The following KMT2A variants were observed in gnomAD, a reference collection of about 807,000 sequenced individuals.
KMT2A encodes histone-lysine N-methyltransferase 2A.
Under a neutral mutation model 345.3 loss-of-function variants are expected in KMT2A, and 16 were observed. The ratio of observed to expected loss-of-function variants is 0.05; its 90% CI spans 0.03 to 0.07. The LOEUF (loss-of-function observed/expected upper bound fraction) is 0.07. Among genes scored for constraint, KMT2A ranks in the 10% least tolerant of loss-of-function variants. The probability of loss-of-function intolerance (pLI) is 1.00; values close to 1 mark genes in which losing one functional copy is unlikely to be tolerated. For missense variants in KMT2A, 3,272 were observed against 4,841.6 expected, an observed-to-expected ratio of 0.68 and a Z score of 9.62; for synonymous variants, 1,599 against 1,778.6, an observed-to-expected ratio of 0.90 and a Z score of 2.54.
chr11:118,498,214 C>A lies in KMT2A; in HGVS notation c.5802+141C>A. ...CCAACAAGTATTGATATACATAATT[C>A]AACAGATAAAATGATAAATTTTATC... is the stretch of plus-strand genomic sequence containing the variant. On this transcript the variant is annotated intron_variant, in intron 21 of 35. Transcript: ENST00000534358. The surrounding 1 kb of genome is among the most constrained non-coding windows in gnomAD (Gnocchi z 4.4). The A allele has an allele frequency of 8.6e-7, 1 of 1,158,442 alleles. No individual in the cohort carries two copies. The highest frequency in any genetic ancestry group is 1.2e-6 in the Non-Finnish European group (1 of 810,456). The allele number at this position is 1,158,442 out of a possible 1,614,324, so 71.8% of individuals were successfully genotyped here.
chr11:118,460,880 A>C (rs1555032464), intron 1 of KMT2A, among the ~76,000 whole-genome samples: 1 of 152,210 alleles, frequency 6.6e-6, no homozygotes, highest in African/African-American at 2.4e-5. Flanking sequence ...GGAAGGCTGA[A>C]ATTGCACACT....
Position 118,485,368 on chromosome 11 carries a change from G to GA in KMT2A, c.4332+402dup, listed in dbSNP as rs561284345. Among the ~76,000 whole-genome samples, 141 of 150,086 alleles carry GA rather than the reference G, an allele frequency of 9.4e-4. 1 individual carries two copies. Among genetic ancestry groups the GA allele is most frequent in the African/African-American group, 3.3e-3 (134 of 40,978 alleles). ...TAATAAGAAAAAGGAATGACATCCA[G>GA]AAAAAAAAATAGGCAAAAGACAGAA... On this transcript the variant is annotated intron_variant, in intron 10 of 35. Transcript: ENST00000534358.
At position 118,471,125 on chromosome 11, in the gene KMT2A, G is replaced by A. The variant is rs528186276; in HGVS notation, c.503-537G>A. The stretch of plus-strand genomic sequence containing the variant: ...TTTTCTATTCAGTAAAACTTTCTTA[G>A]TCTACTTTGGCAAAACAGATTGAAA... On this transcript the variant is annotated intron_variant, in intron 2 of 35. Transcript: ENST00000534358. Among the ~76,000 whole-genome samples, 314 of 152,294 alleles carry A rather than the reference G, an allele frequency of 2.1e-3. 1 individual carries two copies. The highest frequency in any genetic ancestry group is 3.9e-3 in the Non-Finnish European group (268 of 68,032).
rs151193477 is a variant in KMT2A, at chr11:118,473,358, T to A, written c.2199T>A (p.Asn733Lys). 2.5e-6 allele frequency: 4 copies of A among 1,613,794 alleles called. No individual in the cohort carries two copies. Among genetic ancestry groups the A allele is most frequent in the Non-Finnish European group, 3.4e-6 (4 of 1,179,972 alleles). ...SAGTSSSGVS[N>K]RKRKRKVFSP... ...GAACATCTTCTTCAGGAGTATCCAA[T>A]AGAAAAAGGAAAAGAAAAGTGTTTA... Residue 733 changes from asparagine (N) to lysine (K), a missense_variant, in exon 3 of 36, where the codon AAT becomes AAA. Asn to Lys is a moderately conservative substitution (Grantham distance 94). Around this residue, in one of 27 missense-constraint regions of KMT2A, gnomAD observed 114 missense variants for 203.2 expected, o/e 0.56. Transcript: ENST00000534358. The surrounding 1 kb of genome is among the most constrained non-coding windows in gnomAD (Gnocchi z 5.2).
At chr11:118,466,001 T>A (rs1045429193) in intron 1 of KMT2A, among the ~76,000 whole-genome samples, 1 of 152,132 alleles carries the variant, frequency 6.6e-6, no homozygotes, top group Non-Finnish European at 1.5e-5. Context: ...CAGATTCACA[T>A]GTTGTAGGTT....
rs1289331890 is a variant in KMT2A at position 118,504,896 on chromosome 11, A to G, written c.9004A>G (p.Met3002Val). Reference sequence around the variant, plus strand: ...TCCTGATCATTTTATCCAAGGACACATGGATGCAGACCACATCTCTAGCCC... The same window carrying G: ...TCCTGATCATTTTATCCAAGGACACGTGGATGCAGACCACATCTCTAGCCC... Reference protein sequence around the residue: ...MTPDHFIQGHMDADHISSPPC... With the variant: ...MTPDHFIQGHVDADHISSPPC... Residue 3002 changes from methionine to valine, a missense_variant, in exon 27 of 36, where the codon ATG becomes GTG. This residue lies in a region of KMT2A where 748 missense variants were observed against 922.2 expected (regional missense o/e 0.81). Transcript: ENST00000534358. The surrounding 1 kb of genome is among the most constrained non-coding windows in gnomAD (Gnocchi z 6.4). 1.2e-6 allele frequency: 2 copies of G among 1,614,164 alleles called. No individual in the cohort carries two copies. The highest frequency in any genetic ancestry group is 8.5e-7 in the Non-Finnish European group (1 of 1,179,974).
Position 118,481,784 on chromosome 11 carries a change from A to G in KMT2A, c.3704A>G (p.Lys1235Arg), listed in dbSNP as rs1325884084. 6.2e-6 allele frequency: 10 copies of G among 1,614,270 alleles called. No homozygotes were observed. The highest frequency in any genetic ancestry group is 8.5e-6 in the Non-Finnish European group (10 of 1,180,052). Residue 1235 changes from lysine (K) to arginine (R), a missense_variant, in exon 7 of 36, where the codon AAG (lysine) becomes AGG (arginine). Coordinates refer to ENST00000534358, the MANE Select transcript of KMT2A (RefSeq NM_001197104.2). ...KKDSKESSVV[K>R]NVVDSSQKPT... ...GACAGCAAAGAGAGCAGTGTTGTGA[A>G]GAACGTGGTGGACTCTAGTCAGAAA...
At chr11:118,483,042 G>C (rs1389651784) in intron 8 of KMT2A, among the ~76,000 whole-genome samples, 3 of 152,072 alleles carry the variant, frequency 2.0e-5, no homozygotes, top group East Asian at 3.9e-4. Context: ...AGACCAGCCT[G>C]GCCAACATGG....
chr11:118,481,671 T>G, intron 6 of KMT2A, 44 bp from the exon 7 acceptor site: 1 of 1,542,842 alleles, frequency 6.5e-7, no homozygotes, highest in Non-Finnish European at 8.7e-7. Context: ...TAAATAAAAT[T>G]ATTCTCACTA....
chr11:118,461,896 A>C (rs1949750696), intron 1 of KMT2A, among the ~76,000 whole-genome samples: 1 of 152,202 alleles, frequency 6.6e-6, no homozygotes, highest in Admixed American at 6.5e-5. Flanking sequence ...CAAGATGAGA[A>C]GCCTGTTGCT....
chr11:118,511,876 T>G (rs781915176), intron 30 of KMT2A, 75 bp from the exon 31 acceptor site: 13 of 1,115,710 alleles, frequency 1.2e-5, no homozygotes, highest in Admixed American at 5.2e-5. Flanking sequence ...AAGCAGTGCT[T>G]GTGCACATCA....
intron 1 of KMT2A, among the ~76,000 whole-genome samples, chr11:118,460,039 AG>A (rs1474513468): frequency 1.3e-5 from 2 of 152,200 alleles, no homozygotes; most frequent in Non-Finnish European, 2.9e-5. Flanking sequence ...TATGCATTTT[AG>A]TTGGGGATAG....
chr11:118,492,182 GAAGCACTTCACCCAAGA>G (rs1389821988), intron 15 of KMT2A, among the ~76,000 whole-genome samples: 4 of 152,232 alleles, frequency 2.6e-5, no homozygotes, highest in African/African-American at 9.6e-5. Flanking sequence ...GGGAGCCAGT[GAAGCACTTCACCCAAGA>G]CAGTAACCTG....
At chr11:118,481,499 T>C (rs1303642738) in intron 6 of KMT2A, among the ~76,000 whole-genome samples, 11 of 152,234 alleles carry the variant, frequency 7.2e-5, no homozygotes, top group African/African-American at 2.7e-4. Context: ...TCCATTCATC[T>C]GTTGATGGAT....
chr11:118,513,648 A>C (rs1950737345), intron 31 of KMT2A, among the ~76,000 whole-genome samples: 1 of 152,154 alleles, frequency 6.6e-6, no homozygotes, highest in East Asian at 1.9e-4. Flanking sequence ...ATAGCATGAA[A>C]GGGTACTCAA....
chr11:118,493,381 GTTATT>G lies in KMT2A; in HGVS notation c.5178+155_5178+159del. Reference sequence around the variant, plus strand: ...GCTTTAGATACCTAAAAATGTATGAGTTATTTTAGCTTTGTGTTTCAGAAGAAGGG... The same window carrying G: ...GCTTTAGATACCTAAAAATGTATGAGTTAGCTTTGTGTTTCAGAAGAAGGG... On this transcript the variant is annotated intron_variant, in intron 16 of 35. Coordinates refer to ENST00000534358, the MANE Select transcript of KMT2A (RefSeq NM_001197104.2). The surrounding 1 kb of genome is among the most constrained non-coding windows in gnomAD (Gnocchi z 5.8). 1 of 531,240 alleles carries G rather than the reference GTTATT, an allele frequency of 1.9e-6. No individual in the cohort carries two copies. Among genetic ancestry groups the G allele is most frequent in the Non-Finnish European group, 3.2e-6 (1 of 312,008 alleles). The allele number at this position is 531,240 out of a possible 1,614,324, so 32.9% of individuals were successfully genotyped here.
At chr11:118,508,245 A>G (rs1555049167) in intron 28 of KMT2A, among the ~76,000 whole-genome samples, 1 of 152,198 alleles carries the variant, frequency 6.6e-6, no homozygotes, top group Non-Finnish European at 1.5e-5. Context: ...ACACTTTTTT[A>G]CATAAAAGGA....
intron 1 of KMT2A, among the ~76,000 whole-genome samples, chr11:118,454,399 C>A (rs562547345): frequency 6.6e-6 from 1 of 152,270 alleles, no homozygotes; most frequent in South Asian, 2.1e-4. Flanking sequence ...TGTCTTGGGG[C>A]CTTTGCACTT....
chr11:118,507,835 C>T (rs1398193702), intron 28 of KMT2A: 3 of 417,340 alleles, frequency 7.2e-6, no homozygotes, highest in Admixed American at 3.5e-5. Flanking sequence ...TGATGGCGGG[C>T]GCCTGTAGTC....
Sources: allele counts gnomAD v4.1 joint callset (sites outside exome capture counted in the v4.1 genomes callset), GRCh38; gene constraint gnomAD v4.1.1; regional missense constraint gnomAD v4.1.1; non-coding constraint Gnocchi (gnomAD v3.1); transcripts MANE v1.5; gene names NCBI Gene and HGNC (gene_info 2026-07-23, HGNC 2026-07-21).